LRRC40: variants seen among roughly 807,000 people sequenced by gnomAD.
The protein encoded by LRRC40 is leucine rich repeat containing 40.
A neutral mutation model predicts 72.8 loss-of-function variants in LRRC40; 76 were observed. The ratio of observed to expected loss-of-function variants is 1.04; its 90% CI spans 0.87 to 1.26. LRRC40 has a LOEUF of 1.26. Ranked by LOEUF, LRRC40 falls within the 50% of genes most tolerant of loss-of-function variation. The pLI is 0.00. For missense variants in LRRC40, 684 were observed against 698.9 expected, an observed-to-expected ratio of 0.98 and a Z score of 0.24; for synonymous variants, 243 against 254.2, an observed-to-expected ratio of 0.96 and a Z score of 0.42.
intron 9 of LRRC40, among the ~76,000 whole-genome samples, chr1:70,161,295 A>G (rs1486075263): frequency 6.6e-6 from 1 of 151,852 alleles, no homozygotes; most frequent in African/African-American, 2.4e-5. Flanking sequence ...CGTGTTAGCC[A>G]GGATGATCTC....
chr1:70,181,513 T>C (rs546089128), intron 4 of LRRC40, among the ~76,000 whole-genome samples: 4 of 152,104 alleles, frequency 2.6e-5, no homozygotes, highest in African/African-American at 7.2e-5. Context: ...TGCCATATTA[T>C]GCATCATATT....
intron 1 of LRRC40, among the ~76,000 whole-genome samples, chr1:70,199,559 G>A (rs1291830530): frequency 6.6e-6 from 1 of 152,074 alleles, no homozygotes; most frequent in East Asian, 1.9e-4. Context: ...CCTACTCAAT[G>A]TGAAGATGAG....
At chr1:70,168,341 G>A (rs1667931724) in intron 9 of LRRC40, among the ~76,000 whole-genome samples, 1 of 152,202 alleles carries the variant, frequency 6.6e-6, no homozygotes, top group Admixed American at 6.5e-5. Context: ...TAAGTTGCTG[G>A]TTCAAAGAAA....
rs59341874 is a variant in LRRC40, at chr1:70,190,677, T to TAA, written c.152-1406_152-1405dup. On this transcript the variant is annotated intron_variant, in intron 1 of 14. Transcript: ENST00000370952. ...GGGAAACAGAGTGAGACCCTGTCTC[T>TAA]AAAAAAAAAAAAAAAAAAACTTAAA... 2.0e-3 allele frequency among the ~76,000 whole-genome samples: 107 copies of TAA among 54,352 alleles called. 4 individuals carry two copies. Among genetic ancestry groups the TAA allele is most frequent in the South Asian group, 4.8e-3 (8 of 1,658 alleles). 35.7% of individuals were successfully genotyped at this position (54,352 alleles called of 152,430 possible).
chr1:70,166,684 TAAAG>T lies in LRRC40; in HGVS notation c.1111+6777_1111+6780del, dbSNP rs199628327. On this transcript the variant is annotated intron_variant, in intron 9 of 14. Coordinates refer to ENST00000370952, the MANE Select transcript of LRRC40 (RefSeq NM_017768.5). ...AATAAAAAAAAAAAAAATCAAAAAT[TAAAG>T]AAATTCTTTTTAAGTAAATTACTCT... 7.6e-3 allele frequency among the ~76,000 whole-genome samples: 1,158 copies of T among 151,880 alleles called. 10 individuals carry two copies. Among genetic ancestry groups the T allele is most frequent in the African/African-American group, 0.026 (1,080 of 41,432 alleles).
chr1:70,178,763 A>G lies in LRRC40; in HGVS notation c.804+88T>C, dbSNP rs530025325. Reference sequence around the variant, plus strand: ...TACTTATAACTAATACACACTCCCAATGTAAAACAAGATTAGCTCCTTTAA... The same window carrying G: ...TACTTATAACTAATACACACTCCCAGTGTAAAACAAGATTAGCTCCTTTAA... On this transcript the variant is annotated intron_variant, in intron 6 of 14. Transcript: ENST00000370952. 6.2e-5 allele frequency: 49 copies of G among 795,940 alleles called. No homozygotes were observed. In the Admixed American group the frequency reaches 7.3e-4, roughly 12 times the overall value. The allele number at this position is 795,940 out of a possible 1,614,324, so 49.3% of individuals were successfully genotyped here.
chr1:70,198,064 G>A lies in LRRC40; in HGVS notation c.151+7326C>T, dbSNP rs192280050. ...GGTGTGAGCCACAGCACCTGACCCCGTGTCACACTTTTTATTCTGTCCCAA... is the reference window on the plus strand; with the variant it reads ...GGTGTGAGCCACAGCACCTGACCCCATGTCACACTTTTTATTCTGTCCCAA... On this transcript the variant is annotated intron_variant, in intron 1 of 14. Coordinates refer to ENST00000370952, the MANE Select transcript of LRRC40 (RefSeq NM_017768.5). Among the ~76,000 whole-genome samples, 13 of 152,186 alleles carry A rather than the reference G, an allele frequency of 8.5e-5. No individual in the cohort carries two copies. The East Asian group carries it at 2.3e-3, about 27-fold the overall frequency.
chr1:70,198,690 T>C (rs1318798599), intron 1 of LRRC40, among the ~76,000 whole-genome samples: 3 of 152,156 alleles, frequency 2.0e-5, no homozygotes, highest in Admixed American at 6.5e-5. Context: ...ACTTAAAAAT[T>C]GCGAACAAAA....
chr1:70,197,620 C>G (rs1278447576), intron 1 of LRRC40, among the ~76,000 whole-genome samples: 2 of 144,882 alleles, frequency 1.4e-5, no homozygotes, highest in African/African-American at 5.1e-5. Context: ...AGCAAACTGT[C>G]TTACTCTTTT....
At position 70,184,789 on chromosome 1, in the gene LRRC40, T is replaced by A; in HGVS notation, c.533A>T (p.Asp178Val). 1 of 1,599,398 alleles carries A rather than the reference T, an allele frequency of 6.3e-7. No homozygotes were observed. The highest frequency in any genetic ancestry group is 8.5e-7 in the Non-Finnish European group (1 of 1,176,014). ...EGFEQLSNLE[D>V]LDLSNNHLTT... Reference sequence around the variant, plus strand: ...AATTGGAAAATCAGAACTTACTAAATCTTCTAAATTGGAAAGTTGTTCAAA... The same window carrying A: ...AATTGGAAAATCAGAACTTACTAAAACTTCTAAATTGGAAAGTTGTTCAAA... Residue 178 changes from aspartate (D) to valine (V), a missense_variant, in exon 4 of 15, where the codon GAT (aspartate) becomes GTT (valine). Coordinates refer to ENST00000370952, the MANE Select transcript of LRRC40 (RefSeq NM_017768.5).
intron 9 of LRRC40, among the ~76,000 whole-genome samples, chr1:70,162,505 CTCCAGG>C (rs1667787805): frequency 6.6e-6 from 1 of 152,196 alleles, no homozygotes; most frequent in South Asian, 2.1e-4. Context: ...TCACCAAGCC[CTCCAGG>C]TGAGGCCAAT....
chr1:70,190,683 A>AAAAAAG, intron 1 of LRRC40, among the ~76,000 whole-genome samples: 1 of 148,070 alleles, frequency 6.8e-6, no homozygotes. Flanking sequence ...TCTCTAAAAA[A>AAAAAAG]AAAAAAAAAA....
intron 11 of LRRC40, among the ~76,000 whole-genome samples, chr1:70,153,784 C>A (rs1667568966): frequency 6.6e-6 from 1 of 151,994 alleles, no homozygotes; most frequent in Non-Finnish European, 1.5e-5. Context: ...GAGTTTGAGA[C>A]CAGCCTGGGC....
At chr1:70,200,794 A>G (rs1217813222) in intron 1 of LRRC40, among the ~76,000 whole-genome samples, 1 of 152,184 alleles carries the variant, frequency 6.6e-6, no homozygotes, top group Non-Finnish European at 1.5e-5. Context: ...TGTCTCATAT[A>G]TGTGTATAGA....
chr1:70,194,947 C>T (rs1425169706), intron 1 of LRRC40, among the ~76,000 whole-genome samples: 1 of 151,804 alleles, frequency 6.6e-6, no homozygotes, highest in African/African-American at 2.4e-5. Flanking sequence ...AACAAAGGTG[C>T]CAATATAATT....
chr1:70,154,362 T>G (rs1343623308), intron 11 of LRRC40, among the ~76,000 whole-genome samples: 1 of 152,182 alleles, frequency 6.6e-6, no homozygotes, highest in African/African-American at 2.4e-5. Context: ...AAGAGCCAGA[T>G]AGTGAGATAA....
intron 1 of LRRC40, among the ~76,000 whole-genome samples, chr1:70,202,262 C>A (rs1668758979): frequency 6.6e-6 from 1 of 151,978 alleles, no homozygotes; most frequent in Non-Finnish European, 1.5e-5. Flanking sequence ...CTGCTTTATT[C>A]ATAACTGCCA....
intron 10 of LRRC40, among the ~76,000 whole-genome samples, chr1:70,158,099 CAAAAAAA>C (rs35925333): frequency 2.1e-4 from 4 of 19,218 alleles, no homozygotes; most frequent in African/African-American, 7.0e-4. Context: ...GACCCTGCCT[CAAAAAAA>C]AAAAAAAAAA....
intron 11 of LRRC40, among the ~76,000 whole-genome samples, chr1:70,155,353 A>G (rs1380693056): frequency 6.6e-6 from 1 of 152,084 alleles, no homozygotes; most frequent in East Asian, 1.9e-4. Context: ...AATTTTCCCT[A>G]ATATTTCATT....
Sources: allele counts gnomAD v4.1 joint callset (sites outside exome capture counted in the v4.1 genomes callset), GRCh38; gene constraint gnomAD v4.1.1; transcripts MANE v1.5; gene names NCBI Gene and HGNC (gene_info 2026-07-23, HGNC 2026-07-21).